Variants in CIAO3 observed in about 807,000 individuals in gnomAD.
CIAO3 encodes the protein cytosolic iron-sulfur assembly component 3.
CIAO3 carries 45 observed loss-of-function variants against 51.5 expected under a neutral mutation model. The ratio of observed to expected loss-of-function variants is 0.87; its 90% CI spans 0.69 to 1.12. The LOEUF (loss-of-function observed/expected upper bound fraction) is 1.12. CIAO3 is among the 50% of genes most tolerant of loss of function. The probability of loss-of-function intolerance (pLI) is 0.00; values close to 1 mark genes in which losing one functional copy is unlikely to be tolerated. For synonymous variants in CIAO3, 314 were observed against 269.3 expected, an observed-to-expected ratio of 1.17 and a Z score of -1.63; for missense variants, 668 against 632.5, an observed-to-expected ratio of 1.06 and a Z score of -0.60.
At chr16:734,375 G>A (rs1187290222) in intron 5 of CIAO3, 28 bp from the exon 6 acceptor site, 3 of 1,545,654 alleles carry the variant, frequency 1.9e-6, no homozygotes, top group African/African-American at 1.4e-5. Flanking sequence ...ACACGGGGCT[G>A]GCGGGGGCGC....
Position 731,649 on chromosome 16 carries a change from C to G in CIAO3, c.950G>C (p.Gly317Ala). 1 of 1,557,964 alleles carries G rather than the reference C, an allele frequency of 6.4e-7. No individual in the cohort carries two copies. The highest frequency in any genetic ancestry group is 8.7e-7 in the Non-Finnish European group (1 of 1,151,568). ...EPTSHRGGGS[G>A]GYLEHVFRHA... ...CCGGAACACGTGCTCCAGGTAGCCC[C>G]CCGAGCCCCCTCCCCGATGGCTGGT... Residue 317 changes from glycine to alanine, a missense_variant, in exon 9 of 11, where the codon GGG becomes GCG. Physicochemically the swap from Gly to Ala is moderately conservative, Grantham distance 60. Transcript: ENST00000251588.
chr16:737,234 G>A lies in CIAO3; in HGVS notation c.258C>T (p.Ile86=), dbSNP rs1567345898. The change falls in exon 3 of 11, where the codon ATC becomes ATT. Residue 86 remains isoleucine, a synonymous_variant. Coordinates refer to ENST00000251588, the MANE Select transcript of CIAO3 (RefSeq NM_022493.3). The surrounding 1 kb of genome is among the most constrained non-coding windows in gnomAD (Gnocchi z 5.3). Reference sequence around the variant, plus strand: ...TCAGCTCCTCGTGGCTCTGCTGGGTGATAAGCACGGTCTCTGCGGAGGTGA... The same window carrying A: ...TCAGCTCCTCGTGGCTCTGCTGGGTAATAAGCACGGTCTCTGCGGAGGTGA... ...GCITSAETVL[I]TQQSHEELKK... The A allele has an allele frequency of 1.2e-6, 2 of 1,613,760 alleles. No homozygotes were observed. The highest frequency in any genetic ancestry group is 1.1e-5 in the South Asian group (1 of 91,090).
At chr16:740,851 A>T (rs1303106502) in intron 1 of CIAO3, 69 bp downstream of exon 1, 4 of 1,408,892 alleles carry the variant, frequency 2.8e-6, no homozygotes, top group Admixed American at 2.0e-5. Context: ...AGTGGGGCGC[A>T]GAGCAATTTC....
At position 732,386 on chromosome 16, in the gene CIAO3, C is replaced by A. The variant is rs2041292860; in HGVS notation, c.824-13G>T. The A allele has an allele frequency of 6.2e-7, 1 of 1,612,508 alleles. No individual in the cohort carries two copies. Among genetic ancestry groups the A allele is most frequent in the Admixed American group, 1.7e-5 (1 of 59,992 alleles). On this transcript the variant is annotated splice_polypyrimidine_tract_variant and intron_variant, in intron 7 of 10. Coordinates refer to ENST00000251588, the MANE Select transcript of CIAO3 (RefSeq NM_022493.3). ...CTGAAAACTTCTCCTGCAAAGAAGC[C>A]ACAGCGCAGACACTCTTTAGCGGAG... is the stretch of plus-strand genomic sequence containing the variant.
intron 9 of CIAO3, 121 bp from the exon 10 acceptor site, chr16:731,121 C>T (rs997860518): frequency 8.6e-6 from 11 of 1,283,478 alleles, no homozygotes; most frequent in Non-Finnish European, 1.1e-5. Context: ...CTCTCCCTCT[C>T]TCCTGGGCAG....
rs556368156 is a variant in CIAO3, at chr16:737,996, G to A, written c.163-667C>T. The A allele has an allele frequency of 3.3e-5, 38 of 1,152,338 alleles. No homozygotes were observed. The highest frequency in any genetic ancestry group is 3.3e-4 in the South Asian group (18 of 55,346). 71.4% of individuals were successfully genotyped at this position (1,152,338 alleles called of 1,614,324 possible). ...TGCAGTGGCCCGGAATACAGCCAGAGGAGTAAGGCGACTGGGTGGGAACTG... is the reference window on the plus strand; with the variant it reads ...TGCAGTGGCCCGGAATACAGCCAGAAGAGTAAGGCGACTGGGTGGGAACTG... On this transcript the variant is annotated intron_variant, in intron 2 of 10. Coordinates refer to ENST00000251588, the MANE Select transcript of CIAO3 (RefSeq NM_022493.3). This position sits in a 1 kb window ranked among gnomAD's most constrained non-coding sequence, Gnocchi z 5.3.
chr16:739,918 C>A, intron 1 of CIAO3, 180 bp from the exon 2 acceptor site: 1 of 1,310,340 alleles, frequency 7.6e-7, no homozygotes, highest in South Asian at 1.3e-5. Flanking sequence ...ACCCAGGGAT[C>A]GGGTTCCCAA....
chr16:736,091 C>T (rs1010969131), intron 4 of CIAO3, among the ~76,000 whole-genome samples, 175 bp downstream of exon 4: 4 of 152,158 alleles, frequency 2.6e-5, no homozygotes, highest in Non-Finnish European at 1.5e-5. Context: ...GAAGGCCCTG[C>T]TCTCAAATGT....
chr16:737,824 G>T lies in CIAO3; in HGVS notation c.163-495C>A. 3 of 1,190,722 alleles carry T rather than the reference G, an allele frequency of 2.5e-6. No homozygotes were observed. Among genetic ancestry groups the T allele is most frequent in the Non-Finnish European group, 3.2e-6 (3 of 941,680 alleles). 73.8% of individuals were successfully genotyped at this position (1,190,722 alleles called of 1,614,324 possible). A position where few individuals can be genotyped will look rare whatever the true frequency, so the allele number is the denominator to read the frequency against. On this transcript the variant is annotated intron_variant, in intron 2 of 10. Transcript: ENST00000251588. The surrounding 1 kb of genome is among the most constrained non-coding windows in gnomAD (Gnocchi z 5.3). ...CGGGGCAGAAACAACCGTCAGACTC[G>T]CCAAACAGATGCAGGAACAAGGTGT...
chr16:734,193 C>A, intron 6 of CIAO3, 36 bp downstream of exon 6: 1 of 1,589,298 alleles, frequency 6.3e-7, no homozygotes, highest in South Asian at 1.1e-5. Context: ...CTGGCCGCTC[C>A]CCAGCCTGAG....
At chr16:734,369 G>A (rs757461938) in intron 5 of CIAO3, 22 bp from the exon 6 acceptor site, 127 of 1,541,810 alleles carry the variant, frequency 8.2e-5, no homozygotes, top group Non-Finnish European at 9.7e-5. Context: ...GGGGGCACAC[G>A]GGGCTGGCGG....
chr16:736,911 G>A (rs1344667952), intron 3 of CIAO3: 5 of 450,818 alleles, frequency 1.1e-5, no homozygotes, highest in South Asian at 2.4e-5. Context: ...TGATCCACCC[G>A]GCTCAGCCTC....
rs1397752214 is a variant in CIAO3, at chr16:730,382, G to C, written c.*35C>G. 1 of 1,582,582 alleles carries C rather than the reference G, an allele frequency of 6.3e-7. No homozygotes were observed. Among genetic ancestry groups the C allele is most frequent in the South Asian group, 1.1e-5 (1 of 90,322 alleles). ...GCATGTGGTTCTGCTGTCACACATGGACACGGCCTCCTGGGAGTCCTGGTC... is the reference window on the plus strand; with the variant it reads ...GCATGTGGTTCTGCTGTCACACATGCACACGGCCTCCTGGGAGTCCTGGTC... On this transcript the variant is annotated 3_prime_UTR_variant, in exon 11 of 11. Transcript: ENST00000251588.
At position 730,037 on chromosome 16, in the gene CIAO3, G is replaced by A. The variant is rs571707320; in HGVS notation, c.*380C>T. ...CAAGGGAAGCCTCCAGAAGTCAGGGGTGAGAACCCGTCTTGCTCTGCCTCA... is the reference window on the plus strand; with the variant it reads ...CAAGGGAAGCCTCCAGAAGTCAGGGATGAGAACCCGTCTTGCTCTGCCTCA... On this transcript the variant is annotated 3_prime_UTR_variant, in exon 11 of 11. Coordinates refer to ENST00000251588, the MANE Select transcript of CIAO3 (RefSeq NM_022493.3). 2 of 372,384 alleles carry A rather than the reference G, an allele frequency of 5.4e-6. No homozygotes were observed. Among genetic ancestry groups the A allele is most frequent in the East Asian group, 6.5e-5 (1 of 15,320 alleles). The allele number at this position is 372,384 out of a possible 1,614,324, so 23.1% of individuals were successfully genotyped here.
chr16:737,262 C>T lies in CIAO3; in HGVS notation c.230G>A (p.Cys77Tyr). ...AAGCACGGTCTCTGCGGAGGTGATG[C>T]AGCCGCTGCACGCCAGGCAGTCGTT... is the stretch of plus-strand genomic sequence containing the variant. ...SLNDCLACSG[C>Y]ITSAETVLIT... is the part of the protein sequence containing the mutation. The change falls in exon 3 of 11, where the codon TGC (cysteine) becomes TAC (tyrosine). Residue 77 changes from cysteine (C) to tyrosine (Y), a missense_variant. Coordinates refer to ENST00000251588, the MANE Select transcript of CIAO3 (RefSeq NM_022493.3). The surrounding 1 kb of genome is among the most constrained non-coding windows in gnomAD (Gnocchi z 5.3). 6.2e-7 allele frequency: 1 copy of T among 1,613,516 alleles called. No homozygotes were observed. Among genetic ancestry groups the T allele is most frequent in the South Asian group, 1.1e-5 (1 of 91,088 alleles).
In CIAO3 at chr16:736,195, C is replaced by T. The variant is rs563249557; in HGVS notation, c.439+71G>A. On this transcript the variant is annotated intron_variant, in intron 4 of 10. Coordinates refer to ENST00000251588, the MANE Select transcript of CIAO3 (RefSeq NM_022493.3). ...GTAGCGTGTCAGTGACTCAGAGGCG[C>T]GAGGGGCCTGGGCTTACTCAGACGC... 8.8e-6 allele frequency: 14 copies of T among 1,589,862 alleles called. No individual in the cohort carries two copies. The African/African-American group carries it at 1.1e-4, about 12-fold the overall frequency.
intron 1 of CIAO3, chr16:740,035 G>A (rs1380874865): frequency 4.9e-6 from 7 of 1,415,660 alleles, no homozygotes; most frequent in African/African-American, 2.9e-5. Context: ...CACCCTTCAC[G>A]TGAACAGGGG....
chr16:734,941 G>C, intron 4 of CIAO3, 70 bp from the exon 5 acceptor site: 1 of 1,466,376 alleles, frequency 6.8e-7, no homozygotes, highest in Non-Finnish European at 9.0e-7. Context: ...CCGGCGTGTG[G>C]ACCACCATGG....
chr16:740,761 G>A (rs1249630135), intron 1 of CIAO3, 159 bp downstream of exon 1: 2 of 658,922 alleles, frequency 3.0e-6, no homozygotes, highest in Non-Finnish European at 4.9e-6. Flanking sequence ...CAGTGTCTGA[G>A]GCCCCGCGCC....
Sources: gnomAD v4.1 joint callset for allele counts (sites outside exome capture counted in the v4.1 genomes callset) on GRCh38, gnomAD v4.1.1 for gene constraint, Gnocchi (gnomAD v3.1) non-coding constraint, MANE v1.5 for transcripts, NCBI Gene and HGNC (gene_info 2026-07-23, HGNC 2026-07-21) for gene names.